Variants in TUFT1 observed in about 807,000 individuals in gnomAD.
The protein encoded by TUFT1 is tuftelin.
TUFT1 carries 43 observed loss-of-function variants against 57.8 expected under a neutral mutation model. The ratio of observed to expected loss-of-function variants is 0.74; its 90% CI spans 0.58 to 0.96. The LOEUF (loss-of-function observed/expected upper bound fraction) is 0.96. Ranked by LOEUF, TUFT1 falls within the 40% of genes least tolerant of loss-of-function variation. The pLI is 0.00. For synonymous variants in TUFT1, 166 were observed against 176.7 expected (o/e 0.94, Z 0.48); for missense variants, 459 against 489.0 (o/e 0.94, Z 0.58).
rs181593404 is a variant in TUFT1 at position 151,557,806 on chromosome 1, C to T, written c.61-4285C>T. On this transcript the variant is annotated intron_variant, in intron 1 of 12. Transcript: ENST00000368849. The stretch of plus-strand genomic sequence containing the variant: ...CCTGCAAGACTCACAAGAGGGAAAG[C>T]GGACAGAGATAACCTACAGACGGAG... 429 of 756,556 alleles carry T rather than the reference C, an allele frequency of 5.7e-4. 2 individuals are homozygous for T. The highest frequency in any genetic ancestry group is 5.1e-4 in the African/African-American group (30 of 58,912). The allele number at this position is 756,556 out of a possible 1,614,324, so 46.9% of individuals were successfully genotyped here.
At chr1:151,568,181 A>G (rs1473454408) in intron 6 of TUFT1, among the ~76,000 whole-genome samples, 1 of 151,976 alleles carries the variant, frequency 6.6e-6, no homozygotes, top group Non-Finnish European at 1.5e-5. Flanking sequence ...ATGACACATC[A>G]TCCTCATGGG....
At position 151,581,671 on chromosome 1, in the gene TUFT1, G is replaced by C. The variant is rs113866428; in HGVS notation, c.1137G>C (p.Pro379=). 1 of 1,614,014 alleles carries C rather than the reference G, an allele frequency of 6.2e-7. No homozygotes were observed. The highest frequency in any genetic ancestry group is 8.5e-7 in the Non-Finnish European group (1 of 1,180,036). ...GSIRISKPPS[P]KPMPVIRVVE... ...TTAGGATATCCAAGCCGCCTAGCCC[G>C]AAGCCCATGCCTGTCATCCGAGTGG... The change falls in exon 13 of 13, where the codon CCG becomes CCC. Residue 379 remains proline, a synonymous_variant. Coordinates refer to ENST00000368849, the MANE Select transcript of TUFT1 (RefSeq NM_020127.3).
Position 151,581,952 on chromosome 1 carries a change from C to T in TUFT1, c.*245C>T. The T allele has an allele frequency of 1.6e-6, 1 of 611,662 alleles. No individual in the cohort carries two copies. Among genetic ancestry groups the T allele is most frequent in the South Asian group, 1.8e-5 (1 of 54,490 alleles). The allele number at this position is 611,662 out of a possible 1,614,324, so 37.9% of individuals were successfully genotyped here. A position where few individuals can be genotyped will look rare whatever the true frequency, so the allele number is the denominator to read the frequency against. On this transcript the variant is annotated 3_prime_UTR_variant, in exon 13 of 13. Transcript: ENST00000368849. ...ATTGTCCTGCAAGCAGGAGCCAGGG[C>T]AATATCTATATTCCTACAGTGACTA...
chr1:151,554,331 A>G (rs1231577010), intron 1 of TUFT1, among the ~76,000 whole-genome samples: 2 of 152,194 alleles, frequency 1.3e-5, no homozygotes, highest in Middle Eastern at 3.2e-3. Context: ...TATTCTGGAC[A>G]TCTTTTGTCA....
intron 1 of TUFT1, among the ~76,000 whole-genome samples, chr1:151,555,243 T>A (rs1369359105): frequency 6.6e-6 from 1 of 150,386 alleles, no homozygotes; most frequent in East Asian, 2.0e-4. Context: ...GTAGGAGGAT[T>A]GCTTGAACTG....
rs1352462986 is a variant in TUFT1 at position 151,562,151 on chromosome 1, C to T, written c.121C>T (p.His41Tyr). The change falls in exon 2 of 13, where the codon CAC becomes TAC. Residue 41 changes from histidine (H) to tyrosine (Y), a missense_variant. Transcript: ENST00000368849. ...TGAACTGACAGGAGATGAACTTGAACACATAGCCCAGAAGGTACTGCGGAA... is the reference window on the plus strand; with the variant it reads ...TGAACTGACAGGAGATGAACTTGAATACATAGCCCAGAAGGTACTGCGGAA... ...QGELTGDELE[H>Y]IAQKAGRKTY... 2 of 1,614,134 alleles carry T rather than the reference C, an allele frequency of 1.2e-6. No individual in the cohort carries two copies. Among genetic ancestry groups the T allele is most frequent in the Non-Finnish European group, 1.7e-6 (2 of 1,179,984 alleles).
chr1:151,564,494 A>G (rs1224745601), intron 4 of TUFT1, 31 bp from the exon 5 acceptor site: 3 of 1,569,400 alleles, frequency 1.9e-6, no homozygotes, highest in East Asian at 4.5e-5. Context: ...TCTCTACCCT[A>G]AAGCTCAAGT....
chr1:151,557,928 G>T (rs1665766114), intron 1 of TUFT1: 1 of 672,684 alleles, frequency 1.5e-6, no homozygotes, highest in African/African-American at 1.8e-5. Context: ...GATGTGGTCA[G>T]CCACCTCAGT....
At chr1:151,581,067 T>A in intron 12 of TUFT1, 25 bp downstream of exon 12, 1 of 1,604,082 alleles carries the variant, frequency 6.2e-7, no homozygotes. Flanking sequence ...GTAGATAGAA[T>A]GGGGCCAGGG....
At position 151,569,738 on chromosome 1, in the gene TUFT1, C is replaced by T. The variant is rs1223734922; in HGVS notation, c.562C>T (p.Arg188Trp). The change falls in exon 7 of 13, where the codon CGG (arginine) becomes TGG (tryptophan). Residue 188 changes from arginine (R) to tryptophan (W), a missense_variant. Arg to Trp is a moderately radical substitution (Grantham distance 101, BLOSUM62 -3). Transcript: ENST00000368849. ...GCTGGCCAAGCTTCAGGAGGCCAAG[C>T]GGCAACACCAGTCAGACTGTGTGGC... The part of the protein sequence containing the change: ...DLLAKLQEAK[R>W]QHQSDCVAFE... The T allele has an allele frequency of 7.4e-6, 12 of 1,613,934 alleles. No homozygotes were observed. Among genetic ancestry groups the T allele is most frequent in the South Asian group, 4.4e-5 (4 of 91,078 alleles).
intron 9 of TUFT1, 74 bp from the exon 10 acceptor site, chr1:151,578,647 T>C: frequency 7.5e-7 from 1 of 1,340,096 alleles, no homozygotes; most frequent in South Asian, 1.3e-5. Flanking sequence ...CCTCCCAAGC[T>C]CAAGGCTCTT....
chr1:151,545,337 C>G (rs1665300974), intron 1 of TUFT1, among the ~76,000 whole-genome samples: 1 of 152,118 alleles, frequency 6.6e-6, no homozygotes, highest in East Asian at 1.9e-4. Context: ...GAGCATGGCT[C>G]TGGGAATCTG....
In TUFT1 at chr1:151,550,778, A is replaced by C. The variant is rs188191331; in HGVS notation, c.60+10352A>C. ...TCAGGGTTTATTCATTCATTTTCTAATTAGCCAGGCACGGTGGTGCACGCC... is the reference window on the plus strand; with the variant it reads ...TCAGGGTTTATTCATTCATTTTCTACTTAGCCAGGCACGGTGGTGCACGCC... On this transcript the variant is annotated intron_variant, in intron 1 of 12. Transcript: ENST00000368849. Among the ~76,000 whole-genome samples, 104 of 152,252 alleles carry C rather than the reference A, an allele frequency of 6.8e-4. 1 individual carries two copies. In the East Asian group the frequency reaches 0.014, roughly 21 times the overall value.
intron 9 of TUFT1, among the ~76,000 whole-genome samples, chr1:151,575,487 A>T (rs1013160901): frequency 1.3e-5 from 2 of 152,134 alleles, no homozygotes; most frequent in African/African-American, 4.8e-5. Context: ...GCAGATAGAA[A>T]CTGAGAACCA....
intron 6 of TUFT1, among the ~76,000 whole-genome samples, chr1:151,566,492 G>A (rs2102542967): frequency 6.6e-6 from 1 of 152,256 alleles, no homozygotes; most frequent in Non-Finnish European, 1.5e-5. Flanking sequence ...GCTGTTCATT[G>A]GAATGGCCTT....
chr1:151,574,485 C>G, intron 8 of TUFT1, 87 bp downstream of exon 8: 1 of 1,543,036 alleles, frequency 6.5e-7, no homozygotes. Flanking sequence ...CGAGACCCTT[C>G]TTTTCCAAGC....
intron 11 of TUFT1, 49 bp from the exon 12 acceptor site, chr1:151,580,893 C>T (rs1164664809): frequency 1.9e-6 from 3 of 1,569,160 alleles, no homozygotes; most frequent in Non-Finnish European, 2.6e-6. Flanking sequence ...AACGTGGCAC[C>T]CGGGAAGCCA....
At chr1:151,571,258 A>G (rs1297851190) in intron 7 of TUFT1, among the ~76,000 whole-genome samples, 1 of 152,208 alleles carries the variant, frequency 6.6e-6, no homozygotes, top group East Asian at 1.9e-4. Flanking sequence ...AACTGCTTCT[A>G]TGTTAGCCGA....
At chr1:151,578,664 A>C (rs747476575) in intron 9 of TUFT1, 57 bp from the exon 10 acceptor site, 7 of 1,445,386 alleles carry the variant, frequency 4.8e-6, no homozygotes, top group Non-Finnish European at 6.6e-6. Context: ...TCTTCCTGTG[A>C]CTGGGTAAAT....
Sources: allele counts gnomAD v4.1 joint callset (sites outside exome capture counted in the v4.1 genomes callset), GRCh38; gene constraint gnomAD v4.1.1; transcripts MANE v1.5; gene names NCBI Gene and HGNC (gene_info 2026-07-23, HGNC 2026-07-21).